EXT2: variants seen among roughly 807,000 people sequenced by gnomAD.
EXT2 encodes the protein exostosin-2.
In EXT2, 53 loss-of-function variants were observed where a neutral mutation model predicts 81.6. The ratio of observed to expected loss-of-function variants is 0.65; its 90% CI spans 0.52 to 0.82. The LOEUF (loss-of-function observed/expected upper bound fraction) is 0.82. Among genes scored for constraint, EXT2 ranks in the 40% least tolerant of loss-of-function variants. The probability of loss-of-function intolerance (pLI) is 0.00; values close to 1 mark genes in which losing one functional copy is unlikely to be tolerated. For synonymous variants in EXT2, 320 were observed against 340.0 expected (o/e 0.94, Z 0.65); for missense variants, 774 against 910.2 (o/e 0.85, Z 1.93).
At chr11:44,225,753 C>G (rs1955831946) in intron 10 of EXT2, among the ~76,000 whole-genome samples, 2 of 152,084 alleles carry the variant, frequency 1.3e-5, no homozygotes, top group Admixed American at 1.3e-4. Context: ...TAGACTTGAC[C>G]CAGCACTGTA....
At chr11:44,224,450 A>G (rs16937859) in intron 10 of EXT2, among the ~76,000 whole-genome samples, 2,778 of 152,078 alleles carry the variant, frequency 0.018, 90 homozygotes, top group African/African-American at 0.063. Flanking sequence ...ATCTGTTATG[A>G]TACTTTGGAC....
At chr11:44,240,368 G>A (rs1024726705) in intron 13 of EXT2, among the ~76,000 whole-genome samples, 1 of 152,194 alleles carries the variant, frequency 6.6e-6, no homozygotes, top group African/African-American at 2.4e-5. Context: ...GCTGGAGAAG[G>A]TCTTTGAATT....
intron 8 of EXT2, among the ~76,000 whole-genome samples, chr11:44,184,140 A>G (rs1458231602): frequency 1.3e-5 from 2 of 152,230 alleles, no homozygotes; most frequent in Non-Finnish European, 2.9e-5. Context: ...AATTCATTGA[A>G]ACCCCAAACC....
rs191976550 is a variant in EXT2, at chr11:44,172,433, C to T, written c.1305+691C>T. On this transcript the variant is annotated intron_variant, in intron 8 of 13. Transcript: ENST00000533608. ...GAAGTTTTGGAGCTGGAAATTACTA[C>T]TTCCTAGCTGCTCTGAAGTGAACCT... Among the ~76,000 whole-genome samples, 58 of 152,320 alleles carry T rather than the reference C, an allele frequency of 3.8e-4. No homozygotes were observed. In the East Asian group the frequency reaches 0.011, roughly 28 times the overall value.
chr11:44,161,703 A>G (rs1954930287), intron 7 of EXT2, among the ~76,000 whole-genome samples: 1 of 152,156 alleles, frequency 6.6e-6, no homozygotes, highest in African/African-American at 2.4e-5. Context: ...AACAGTAGTA[A>G]TTTAGCAGTG....
At chr11:44,098,487 GT>G (rs554312549) in intron 1 of EXT2, among the ~76,000 whole-genome samples, 55 of 152,164 alleles carry the variant, frequency 3.6e-4, no homozygotes, top group African/African-American at 1.2e-3. Context: ...GAGGTCAGGA[GT>G]TCAAGACGAG....
chr11:44,241,768 CCT>C (rs1956040284), intron 13 of EXT2, among the ~76,000 whole-genome samples: 1 of 152,202 alleles, frequency 6.6e-6, no homozygotes. Context: ...TAGCTGGACC[CCT>C]GACAACAGCT....
intron 7 of EXT2, among the ~76,000 whole-genome samples, chr11:44,161,599 T>A (rs1432779523): frequency 6.6e-6 from 1 of 152,232 alleles, no homozygotes; most frequent in Non-Finnish European, 1.5e-5. Context: ...TCTTTGATAC[T>A]TCTTCCTCCA....
Position 44,125,130 on chromosome 11 carries a change from A to T in EXT2, c.939+146A>T. 4 of 790,212 alleles carry T rather than the reference A, an allele frequency of 5.1e-6. 1 individual carries two copies. The highest frequency in any genetic ancestry group is 3.0e-5 in the South Asian group (2 of 66,692). The allele number at this position is 790,212 out of a possible 1,614,324, so 49.0% of individuals were successfully genotyped here. A position where few individuals can be genotyped will look rare whatever the true frequency, so the allele number is the denominator to read the frequency against. On this transcript the variant is annotated intron_variant, in intron 5 of 13. Transcript: ENST00000533608. ...AACATAGCATTGCTCTTTACTGGAC[A>T]TGTAGACCTTCAGGTACTTGGATGT...
At chr11:44,232,275 A>T (rs1955907927) in intron 10 of EXT2, 78 bp from the exon 11 acceptor site, 20 of 1,593,330 alleles carry the variant, frequency 1.3e-5, no homozygotes, top group Non-Finnish European at 1.6e-5. Context: ...AAGTCTGTTG[A>T]TACCTGTTTG....
At chr11:44,126,045 A>T (rs1329622573) in intron 5 of EXT2, among the ~76,000 whole-genome samples, 9 of 152,106 alleles carry the variant, frequency 5.9e-5, no homozygotes, top group Non-Finnish European at 1.2e-4. Context: ...TGGTTTTTTT[A>T]AAAAATCTTT....
At chr11:44,168,025 A>G (rs1228500493) in intron 7 of EXT2, among the ~76,000 whole-genome samples, 2 of 144,464 alleles carry the variant, frequency 1.4e-5, no homozygotes, top group Non-Finnish European at 3.0e-5. Context: ...CCTTAGTCCA[A>G]GTGTTCTCGT....
intron 8 of EXT2, among the ~76,000 whole-genome samples, chr11:44,188,094 T>G (rs1955341214): frequency 6.6e-6 from 1 of 152,222 alleles, no homozygotes; most frequent in Non-Finnish European, 1.5e-5. Flanking sequence ...ACAACTAAAA[T>G]ATTGAATGAA....
chr11:44,243,026 G>A (rs1956053958), intron 13 of EXT2, among the ~76,000 whole-genome samples: 4 of 152,130 alleles, frequency 2.6e-5, no homozygotes, highest in Admixed American at 2.6e-4. Flanking sequence ...GTTGCTTTGT[G>A]GTGTTGGTGG....
intron 13 of EXT2, among the ~76,000 whole-genome samples, chr11:44,236,842 A>G (rs1245427343): frequency 1.3e-5 from 2 of 152,198 alleles, no homozygotes; most frequent in African/African-American, 2.4e-5. Context: ...AAGCCCTCAT[A>G]TTACAGACAG....
chr11:44,235,456 G>C (rs547587087), intron 12 of EXT2, among the ~76,000 whole-genome samples: 1 of 151,858 alleles, frequency 6.6e-6, no homozygotes, highest in African/African-American at 2.4e-5. Context: ...ATGTTGCCCA[G>C]GCTGGTCTTG....
chr11:44,174,779 TAAAAG>T (rs1955133539), intron 8 of EXT2, among the ~76,000 whole-genome samples: 1 of 152,176 alleles, frequency 6.6e-6, no homozygotes, highest in Admixed American at 6.5e-5. Context: ...ATTTGAATGT[TAAAAG>T]AAAAGGGTAG....
chr11:44,121,115 G>A (rs1301213692), intron 4 of EXT2, among the ~76,000 whole-genome samples: 2 of 152,210 alleles, frequency 1.3e-5, no homozygotes, highest in African/African-American at 4.8e-5. Flanking sequence ...GGGGAAGAAG[G>A]CGCACGTGGA....
At chr11:44,114,331 C>A (rs2134985858) in intron 4 of EXT2, 30 bp downstream of exon 4, 1 of 1,581,546 alleles carries the variant, frequency 6.3e-7, no homozygotes, top group Non-Finnish European at 8.7e-7. Flanking sequence ...GCCAGGTGTG[C>A]CTTTACTGAA....
Sources: allele counts gnomAD v4.1 joint callset (sites outside exome capture counted in the v4.1 genomes callset), GRCh38; gene constraint gnomAD v4.1.1; transcripts MANE v1.5; gene names NCBI Gene and HGNC (gene_info 2026-07-23, HGNC 2026-07-21).